The following GRM5 variants were observed in gnomAD, a reference collection of about 807,000 sequenced individuals.
GRM5 encodes glutamate metabotropic receptor 5, also known as metabotropic glutamate receptor 5.
Under a neutral mutation model 83.1 loss-of-function variants are expected in GRM5, and 19 were observed. The ratio of observed to expected loss-of-function variants is 0.23; its 90% CI spans 0.16 to 0.34. The LOEUF is 0.34. GRM5 is among the 10% of genes least tolerant of loss of function. The pLI is 1.00. For synonymous variants in GRM5, 675 were observed against 633.6 expected, an observed-to-expected ratio of 1.07 and a Z score of -0.98; for missense variants, 1,160 against 1,588.3, an observed-to-expected ratio of 0.73 and a Z score of 4.58.
At chr11:88,812,485 AT>A (rs1943604719) in intron 3 of GRM5, among the ~76,000 whole-genome samples, 2 of 152,194 alleles carry the variant, frequency 1.3e-5, no homozygotes, top group African/African-American at 4.8e-5. Context: ...AATGGAAGAG[AT>A]GGTTCTGAAC....
intron 2 of GRM5, among the ~76,000 whole-genome samples, chr11:88,850,806 A>T (rs184795405): frequency 0.025 from 3,845 of 152,128 alleles, 175 homozygotes; most frequent in African/African-American, 0.088. Context: ...GTTATTGATA[A>T]GGAAAAAAAG....
chr11:88,622,613 C>T (rs755478961), intron 4 of GRM5, among the ~76,000 whole-genome samples: 12 of 152,172 alleles, frequency 7.9e-5, no homozygotes, highest in Admixed American at 3.9e-4. Flanking sequence ...GGGGTGGGGG[C>T]GGCAGACACC....
chr11:88,912,745 A>G (rs1945520381), intron 2 of GRM5, among the ~76,000 whole-genome samples: 1 of 152,218 alleles, frequency 6.6e-6, no homozygotes, highest in Non-Finnish European at 1.5e-5. Context: ...ATATTCCATT[A>G]TGAAACAGCT....
intron 3 of GRM5, among the ~76,000 whole-genome samples, chr11:88,704,375 T>C (rs1941105974): frequency 6.6e-6 from 1 of 151,952 alleles, no homozygotes; most frequent in African/African-American, 2.4e-5. Flanking sequence ...CAGAACTTAC[T>C]CTCCATTGAG....
intron 2 of GRM5, among the ~76,000 whole-genome samples, chr11:88,990,437 G>A (rs1348611456): frequency 2.0e-5 from 3 of 151,224 alleles, no homozygotes; most frequent in Non-Finnish European, 4.4e-5. Context: ...AGAGGTACAA[G>A]GAGGAACTGG....
chr11:89,014,380 G>A (rs16912859), intron 2 of GRM5, among the ~76,000 whole-genome samples: 5,039 of 152,164 alleles, frequency 0.033, 266 homozygotes, highest in African/African-American at 0.12. Flanking sequence ...AAAGCACAAA[G>A]ACAATTTGCT....
At chr11:88,610,756 T>C (rs139746749) in intron 4 of GRM5, among the ~76,000 whole-genome samples, 109 of 152,330 alleles carry the variant, frequency 7.2e-4, no homozygotes, top group African/African-American at 2.4e-3. Flanking sequence ...CAGCACTACA[T>C]TGAATACAAA....
At chr11:88,990,856 C>A (rs1025905206) in intron 2 of GRM5, among the ~76,000 whole-genome samples, 1 of 151,750 alleles carries the variant, frequency 6.6e-6, no homozygotes, top group Non-Finnish European at 1.5e-5. Context: ...ATTGATGGGA[C>A]ATATTTCAAA....
chr11:88,919,716 A>G (rs1423062072), intron 2 of GRM5, among the ~76,000 whole-genome samples: 2 of 152,096 alleles, frequency 1.3e-5, no homozygotes, highest in African/African-American at 4.8e-5. Context: ...AGAGAACAAC[A>G]GAATAATATT....
At chr11:88,676,849 A>G (rs933260834) in intron 3 of GRM5, among the ~76,000 whole-genome samples, 3 of 152,102 alleles carry the variant, frequency 2.0e-5, no homozygotes, top group African/African-American at 7.2e-5. Flanking sequence ...CGTGCAAGGC[A>G]TTGCATTTAA....
At chr11:88,513,121 T>G (rs1341745337) in intron 9 of GRM5, among the ~76,000 whole-genome samples, 1 of 152,214 alleles carries the variant, frequency 6.6e-6, no homozygotes, top group Non-Finnish European at 1.5e-5. Flanking sequence ...TTACCTTAAT[T>G]GTCTTGTCTT....
rs747527141 is a variant in GRM5 at position 88,509,342 on chromosome 11, A to G, written c.2889T>C (p.Ala963=). ...PKSTESRGLG[A]GAGAGGSAGG... is the part of the protein sequence containing the mutation. ...CAGCGCTCCCGCCTGCGCCAGCGCC[A>G]GCGCCCAGGCCACGGCTCTCCGTGC... The change falls in exon 10 of 10, where the codon GCT becomes GCC. Residue 963 remains alanine (A), a synonymous_variant. Coordinates refer to ENST00000305447, the MANE Select transcript of GRM5 (RefSeq NM_001143831.3). The G allele has an allele frequency of 3.1e-6, 5 of 1,599,530 alleles. No individual in the cohort carries two copies. The Admixed American group carries it at 5.1e-5, about 16-fold the overall frequency.
At chr11:88,981,621 T>G (rs941352083) in intron 2 of GRM5, among the ~76,000 whole-genome samples, 95 of 151,660 alleles carry the variant, frequency 6.3e-4, no homozygotes, top group African/African-American at 2.3e-3. Context: ...AAATTATTTC[T>G]CTACCCCCCA....
chr11:88,720,798 G>C (rs1303271631), intron 3 of GRM5, among the ~76,000 whole-genome samples: 1 of 130,064 alleles, frequency 7.7e-6, no homozygotes, highest in Non-Finnish European at 1.6e-5. Context: ...TCATTACTCT[G>C]TGTGTGTGTG....
At position 88,506,782 on chromosome 11, in the gene GRM5, T is replaced by A. The variant is rs544153310; in HGVS notation, c.*1810A>T. On this transcript the variant is annotated 3_prime_UTR_variant, in exon 10 of 10. Coordinates refer to ENST00000305447, the MANE Select transcript of GRM5 (RefSeq NM_001143831.3). ...ATTTTTTAAAGTGAAGAATGATAAA[T>A]TATGCCAATGGACTGACTTCTATTT... 52 of 152,266 alleles carry A rather than the reference T, an allele frequency of 3.4e-4. No individual in the cohort carries two copies. Among genetic ancestry groups the A allele is most frequent in the Middle Eastern group, 3.4e-3 (1 of 294 alleles). The allele number at this position is 152,266 out of a possible 1,614,324, so 9.4% of individuals were successfully genotyped here.
chr11:89,059,753 T>C (rs551028416), intron 1 of GRM5, among the ~76,000 whole-genome samples: 13 of 152,194 alleles, frequency 8.5e-5, no homozygotes, highest in African/African-American at 2.9e-4. Context: ...ATGGGTCAGA[T>C]ACTTTATTTT....
chr11:88,707,255 G>A (rs1202503283), intron 3 of GRM5, among the ~76,000 whole-genome samples: 4 of 152,058 alleles, frequency 2.6e-5, no homozygotes, highest in Admixed American at 1.3e-4. Flanking sequence ...AGAATTTTGT[G>A]CATTAAGTTA....
rs185261528 is a variant in GRM5, at chr11:88,882,272, T to C, written c.662-32117A>G. On this transcript the variant is annotated intron_variant, in intron 2 of 9. Coordinates refer to ENST00000305447, the MANE Select transcript of GRM5 (RefSeq NM_001143831.3). ...AGTAAATAAATAAATAAATAAATAATAAAAAGAAAAATATCATGCCTGTAA... is the reference window on the plus strand; with the variant it reads ...AGTAAATAAATAAATAAATAAATAACAAAAAGAAAAATATCATGCCTGTAA... Among the ~76,000 whole-genome samples the C allele has an allele frequency of 9.7e-3, 420 of 43,450 alleles. 1 individual carries two copies. The highest frequency in any genetic ancestry group is 0.013 in the Admixed American group (59 of 4,466). The allele number at this position is 43,450 out of a possible 152,430, so 28.5% of individuals were successfully genotyped here. A position where few individuals can be genotyped will look rare whatever the true frequency, so the allele number is the denominator to read the frequency against.
chr11:88,612,608 T>C (rs1322944467), intron 4 of GRM5, among the ~76,000 whole-genome samples: 1 of 152,094 alleles, frequency 6.6e-6, no homozygotes, highest in Non-Finnish European at 1.5e-5. Context: ...TTCCTATTTC[T>C]CCACATCCTC....
Sources: allele counts gnomAD v4.1 joint callset (sites outside exome capture counted in the v4.1 genomes callset), GRCh38; gene constraint gnomAD v4.1.1; transcripts MANE v1.5; gene names NCBI Gene and HGNC (gene_info 2026-07-23, HGNC 2026-07-21).